MYH7: variants seen among roughly 807,000 people sequenced by gnomAD.
MYH7 encodes myosin heavy chain 7.
Under a neutral mutation model 225.4 loss-of-function variants are expected in MYH7, and 129 were observed. That is an observed-to-expected ratio of 0.57 (90% CI 0.50 to 0.66). MYH7 has a LOEUF of 0.66. MYH7 is among the 30% of genes least tolerant of loss of function. MYH7 has a pLI of 0.00. For missense variants in MYH7, 1,649 were observed against 2,517.0 expected (o/e 0.66, Z 7.38); for synonymous variants, 971 against 1,007.6 (o/e 0.96, Z 0.69).
chr14:23,429,251 G>A lies in MYH7; in HGVS notation c.1235C>T (p.Thr412Ile). 1.2e-6 allele frequency: 2 copies of A among 1,614,222 alleles called. No homozygotes were observed. The highest frequency in any genetic ancestry group is 4.5e-5 in the East Asian group (2 of 44,888). Residue 412 changes from threonine (T) to isoleucine (I), a missense_variant, in exon 13 of 40, where the codon ACC (threonine) becomes ATC (isoleucine). Coordinates refer to ENST00000355349, the MANE Select transcript of MYH7 (RefSeq NM_000257.4). ...CACCTGCTGGACATTCTGCCCCTTG[G>A]TGACGTACTCATTGCCCACTTTCAC... is the stretch of plus-strand genomic sequence containing the variant. ...PRVKVGNEYVTKGQNVQQVIY... is the reference protein window; with the variant it reads ...PRVKVGNEYVIKGQNVQQVIY...
At chr14:23,423,138 C>T (rs1170491966) in intron 24 of MYH7, among the ~76,000 whole-genome samples, 1 of 152,152 alleles carries the variant, frequency 6.6e-6, no homozygotes, top group Non-Finnish European at 1.5e-5. Flanking sequence ...TGATCAGATT[C>T]TGCCTTAAAT....
intron 12 of MYH7, 73 bp downstream of exon 12, chr14:23,429,702 A>G: frequency 6.4e-7 from 1 of 1,572,998 alleles, no homozygotes; most frequent in Non-Finnish European, 8.6e-7. Context: ...GAAAAAAGAG[A>G]AGAGAGATGA....
rs1316560988 is a variant in MYH7 at position 23,434,254 on chromosome 14, A to T, written c.-64-5T>A. On this transcript the variant is annotated splice_region_variant and splice_polypyrimidine_tract_variant and intron_variant, in intron 1 of 39. Transcript: ENST00000355349. ...GGGCCAAGGCCTGCAGGGGACCTGG[A>T]GAGAGGGAAGAGGCTGTGTCAGGGC... 9.9e-7 allele frequency: 1 copy of T among 1,006,328 alleles called. No individual in the cohort carries two copies. Among genetic ancestry groups the T allele is most frequent in the African/African-American group, 1.7e-5 (1 of 57,654 alleles). The allele number at this position is 1,006,328 out of a possible 1,614,324, so 62.3% of individuals were successfully genotyped here. A position where few individuals can be genotyped will look rare whatever the true frequency, so the allele number is the denominator to read the frequency against.
In MYH7 at chr14:23,428,692, GGAGCAGTCAGAAAGTGGGTGT is replaced by G. The variant is rs753594754; in HGVS notation, c.1408-43_1408-23del. 42 of 1,613,908 alleles carry G rather than the reference GGAGCAGTCAGAAAGTGGGTGT, an allele frequency of 2.6e-5. No homozygotes were observed. The African/African-American group carries it at 4.8e-4, about 18-fold the overall frequency. ...TGAACTGCAGGGGGCATGAGGGGTG[GGAGCAGTCAGAAAGTGGGTGT>G]GAGTGGCCATTGGGGCTGTGCCCGT... On this transcript the variant is annotated intron_variant, in intron 14 of 39. Transcript: ENST00000355349.
At chr14:23,427,360 G>T in intron 16 of MYH7, 53 bp from the exon 17 acceptor site, 1 of 1,603,066 alleles carries the variant, frequency 6.2e-7, no homozygotes, top group South Asian at 1.1e-5. Context: ...GGTAGGGTGT[G>T]AGTAAAGAAT....
At position 23,423,701 on chromosome 14, in the gene MYH7, A is replaced by G. The variant is rs145532615; in HGVS notation, c.2945T>C (p.Met982Thr). 2,686 of 1,614,026 alleles carry G rather than the reference A, an allele frequency of 1.7e-3. 7 individuals carry two copies. The highest frequency in any genetic ancestry group is 2.1e-3 in the Non-Finnish European group (2,494 of 1,179,998). ...ENKVKNLTEEMAGLDEIIAKL... is the reference protein window; with the variant it reads ...ENKVKNLTEETAGLDEIIAKL... ...GGCAATGATCTCATCCAGCCCAGCC[A>G]TCTCCTCTGTCAGGTTTTTCACCTG... The change falls in exon 24 of 40, where the codon ATG becomes ACG. Residue 982 changes from methionine to threonine, a missense_variant. This residue lies in a region of MYH7 where 282 missense variants were observed against 315.3 expected (regional missense o/e 0.89). Coordinates refer to ENST00000355349, the MANE Select transcript of MYH7 (RefSeq NM_000257.4).
Position 23,416,280 on chromosome 14 carries a change from G to T in MYH7, c.4677C>A (p.Leu1559=), listed in dbSNP as rs775491087. Residue 1559 remains leucine (L), a synonymous_variant, in exon 34 of 40, where the codon CTC becomes CTA. Transcript: ENST00000355349. ...TCTGGTTGAACTCCAGCTGGGCCCGGAGGATCTTGCCCTCCTCGTGCTCCA... is the reference window on the plus strand; with the variant it reads ...TCTGGTTGAACTCCAGCTGGGCCCGTAGGATCTTGCCCTCCTCGTGCTCCA... ...ASLEHEEGKI[L]RAQLEFNQIK... is the part of the protein sequence containing the mutation. 4.3e-6 allele frequency: 7 copies of T among 1,613,176 alleles called. No individual in the cohort carries two copies. The South Asian group carries it at 7.7e-5, about 18-fold the overall frequency.
Position 23,419,371 on chromosome 14 carries a change from G to A in MYH7, c.3854-76C>T, listed in dbSNP as rs186111066. 9.2e-4 allele frequency: 1,485 copies of A among 1,612,318 alleles called. 11 individuals carry two copies. The African/African-American group carries it at 0.015, about 16-fold the overall frequency. The stretch of plus-strand genomic sequence containing the variant: ...CTCTAGCCCTCAGGCCCCATTTTCT[G>A]GAGAGACTCTGTGTCTGTGTGTGCG... On this transcript the variant is annotated intron_variant, in intron 28 of 39. Transcript: ENST00000355349.
At position 23,423,969 on chromosome 14, in the gene MYH7, T is replaced by C. The variant is rs1892588171; in HGVS notation, c.2860A>G (p.Ile954Val). 6.2e-7 allele frequency: 1 copy of C among 1,614,252 alleles called. No homozygotes were observed. Among genetic ancestry groups the C allele is most frequent in the Non-Finnish European group, 8.5e-7 (1 of 1,180,046 alleles). The change falls in exon 23 of 40, where the codon ATC becomes GTC. Residue 954 changes from isoleucine (I) to valine (V), a missense_variant. Ile to Val is a conservative substitution (Grantham distance 29). This residue lies in a region of MYH7 where 282 missense variants were observed against 315.3 expected (regional missense o/e 0.89). Coordinates refer to ENST00000355349, the MANE Select transcript of MYH7 (RefSeq NM_000257.4). Reference sequence around the variant, plus strand: ...GCCAGTGTCAGCTCCAGATCATCGATGTCCCTTTTGAGCTCTGAGCACTCA... The same window carrying C: ...GCCAGTGTCAGCTCCAGATCATCGACGTCCCTTTTGAGCTCTGAGCACTCA... ...EDECSELKRD[I>V]DDLELTLAKV...
chr14:23,426,169 G>T (rs1262201958), intron 18 of MYH7, 88 bp from the exon 19 acceptor site: 3 of 1,424,796 alleles, frequency 2.1e-6, no homozygotes, highest in African/African-American at 1.4e-5. Flanking sequence ...TGATTAGCTT[G>T]TAATCTTAGC....
rs775304231 is a variant in MYH7 at position 23,422,281 on chromosome 14, C to T, written c.3144G>A (p.Leu1048=). The T allele has an allele frequency of 6.2e-7, 1 of 1,614,200 alleles. No individual in the cohort carries two copies. The highest frequency in any genetic ancestry group is 8.5e-7 in the Non-Finnish European group (1 of 1,180,036). ...LEQEKKVRMD[L]ERAKRKLEGD... is the part of the protein sequence containing the mutation. Reference sequence around the variant, plus strand: ...CCTCCAGCTTCCGCTTCGCTCGCTCCAGGTCCATGCGCACCTTCTTCTCTT... The same window carrying T: ...CCTCCAGCTTCCGCTTCGCTCGCTCTAGGTCCATGCGCACCTTCTTCTCTT... The change falls in exon 25 of 40, where the codon CTG becomes CTA. Residue 1048 remains leucine (L), a synonymous_variant. Transcript: ENST00000355349.
In MYH7 at chr14:23,415,604, A is replaced by G. The variant is rs200750770; in HGVS notation, c.5157+25T>C. 2 of 1,613,700 alleles carry G rather than the reference A, an allele frequency of 1.2e-6. No homozygotes were observed. The highest frequency in any genetic ancestry group is 2.7e-5 in the African/African-American group (2 of 75,052). The stretch of plus-strand genomic sequence containing the variant: ...CTGAGCCCCAGCCTGTGCTCCCTTC[A>G]GGAATGAGCAGGGGAGCTGCTCACC... On this transcript the variant is annotated intron_variant, in intron 35 of 39. Transcript: ENST00000355349. The surrounding 1 kb of genome is among the most constrained non-coding windows in gnomAD (Gnocchi z 6.3).
At position 23,425,404 on chromosome 14, in the gene MYH7, G is replaced by T; in HGVS notation, c.2301C>A (p.Ala767=). Residue 767 remains alanine, a synonymous_variant, in exon 21 of 40, where the codon GCC becomes GCA. Coordinates refer to ENST00000355349, the MANE Select transcript of MYH7 (RefSeq NM_000257.4). This position sits in a 1 kb window ranked among gnomAD's most constrained non-coding sequence, Gnocchi z 4.6. ...KFGHTKVFFK[A]GLLGLLEEMR... is the part of the protein sequence containing the mutation. ...TTTCCTCCAGCAGCCCCAGCAGCCCGGCCTTGAAGAACACCTGCAGGCAAG... is the reference window on the plus strand; with the variant it reads ...TTTCCTCCAGCAGCCCCAGCAGCCCTGCCTTGAAGAACACCTGCAGGCAAG... The T allele has an allele frequency of 6.2e-7, 1 of 1,614,108 alleles. No individual in the cohort carries two copies. The highest frequency in any genetic ancestry group is 8.5e-7 in the Non-Finnish European group (1 of 1,180,016).
intron 1 of MYH7, among the ~76,000 whole-genome samples, chr14:23,435,362 GT>G (rs1893099848): frequency 8.3e-6 from 1 of 120,406 alleles, no homozygotes. Flanking sequence ...ATGCAGGCTT[GT>G]CCACACACAC....
At position 23,431,443 on chromosome 14, in the gene MYH7, C is replaced by T; in HGVS notation, c.771G>A (p.Lys257=). Residue 257 remains lysine, a synonymous_variant, in exon 9 of 40, where the codon AAG becomes AAA. Coordinates refer to ENST00000355349, the MANE Select transcript of MYH7 (RefSeq NM_000257.4). Reference sequence around the variant, plus strand: ...AGGTCTCTATGTCTGCAGATGCCAACTTTCCTGTTGCCCCAAAATGAATTC... The same window carrying T: ...AGGTCTCTATGTCTGCAGATGCCAATTTTCCTGTTGCCCCAAAATGAATTC... ...FIRIHFGATG[K]LASADIETYL... 1 of 1,614,212 alleles carries T rather than the reference C, an allele frequency of 6.2e-7. No homozygotes were observed. Among genetic ancestry groups the T allele is most frequent in the African/African-American group, 1.3e-5 (1 of 75,054 alleles).
At chr14:23,418,742 A>T (rs1892338842) in intron 29 of MYH7, among the ~76,000 whole-genome samples, 2 of 152,214 alleles carry the variant, frequency 1.3e-5, no homozygotes, top group Admixed American at 1.3e-4. Flanking sequence ...TATAAGAGGC[A>T]GGTTAGTATG....
At position 23,429,899 on chromosome 14, in the gene MYH7, C is replaced by T. The variant is rs942430711; in HGVS notation, c.1014G>A (p.Val338=). ...ELMATDNAFD[V]LGFTSEEKNS... ...TTTTCTCCTCTGAAGTGAAGCCCAG[C>T]ACATCAAAAGCGTTCTGTAGGGAGG... Residue 338 remains valine (V), a synonymous_variant, in exon 12 of 40, where the codon GTG becomes GTA. Transcript: ENST00000355349. 1 of 1,614,040 alleles carries T rather than the reference C, an allele frequency of 6.2e-7. No individual in the cohort carries two copies. Among genetic ancestry groups the T allele is most frequent in the Non-Finnish European group, 8.5e-7 (1 of 1,180,010 alleles).
chr14:23,417,851 C>T, intron 30 of MYH7, 165 bp from the exon 31 acceptor site: 6 of 1,072,084 alleles, frequency 5.6e-6, no homozygotes, highest in Non-Finnish European at 7.1e-6. Flanking sequence ...CAGAGGATCC[C>T]AGCAGGGCGT....
intron 11 of MYH7, 146 bp from the exon 12 acceptor site, chr14:23,430,059 G>C: frequency 1.0e-6 from 1 of 968,354 alleles, no homozygotes; most frequent in African/African-American, 1.7e-5. Flanking sequence ...CCAAAACAAA[G>C]GATGTAAGAT....
Sources: allele counts gnomAD v4.1 joint callset (sites outside exome capture counted in the v4.1 genomes callset), GRCh38; gene constraint gnomAD v4.1.1; regional missense constraint gnomAD v4.1.1; non-coding constraint Gnocchi (gnomAD v3.1); transcripts MANE v1.5; gene names NCBI Gene and HGNC (gene_info 2026-07-23, HGNC 2026-07-21).